The following TNR variants were observed in gnomAD, a reference collection of about 807,000 sequenced individuals.
TNR encodes the protein tenascin-R.
In TNR, 45 loss-of-function variants were observed where a neutral mutation model predicts 150.4. The observed-to-expected ratio is 0.30, with a 90% confidence interval of 0.24 to 0.38. The LOEUF is 0.38. Ranked by LOEUF, TNR falls within the 10% of genes least tolerant of loss-of-function variation. The probability of loss-of-function intolerance (pLI) is 1.00; values close to 1 mark genes in which losing one functional copy is unlikely to be tolerated. For missense variants in TNR, 1,544 were observed against 1,759.1 expected, an observed-to-expected ratio of 0.88 and a Z score of 2.19; for synonymous variants, 687 against 678.4, an observed-to-expected ratio of 1.01 and a Z score of -0.20.
At chr1:175,720,044 T>A (rs1389103815) in intron 1 of TNR, among the ~76,000 whole-genome samples, 2 of 152,238 alleles carry the variant, frequency 1.3e-5, no homozygotes, top group Non-Finnish European at 2.9e-5. Flanking sequence ...TCCAGCACTG[T>A]CTCACTCACT....
intron 2 of TNR, among the ~76,000 whole-genome samples, chr1:175,521,590 C>T (rs756489995): frequency 3.3e-5 from 5 of 152,222 alleles, no homozygotes; most frequent in Non-Finnish European, 7.3e-5. Context: ...GCTGCTCTAC[C>T]ATCAACATCC....
rs751283367 is a variant in TNR at position 175,335,820 on chromosome 1, T to TA, written c.3535-14dup. 6 of 1,597,634 alleles carry TA rather than the reference T, an allele frequency of 3.8e-6. No homozygotes were observed. The highest frequency in any genetic ancestry group is 5.1e-6 in the Non-Finnish European group (6 of 1,174,840). On this transcript the variant is annotated splice_polypyrimidine_tract_variant and intron_variant, in intron 19 of 22. Transcript: ENST00000367674. The stretch of plus-strand genomic sequence containing the variant: ...GCCTCTGGAATACCTATGAAGGAAA[T>TA]AAAAAAACAAAAAACAAACAAACAA...
chr1:175,612,010 T>A (rs7515728), intron 1 of TNR, among the ~76,000 whole-genome samples: 2 of 151,970 alleles, frequency 1.3e-5, no homozygotes, highest in Non-Finnish European at 2.9e-5. Context: ...TTAGATGACA[T>A]GTGGCTTAGA....
At chr1:175,492,339 C>T (rs911379108) in intron 2 of TNR, among the ~76,000 whole-genome samples, 15 of 152,204 alleles carry the variant, frequency 9.9e-5, no homozygotes, top group African/African-American at 3.6e-4. Flanking sequence ...TTGCATACAG[C>T]TGTGCACATC....
chr1:175,395,181 C>G (rs1653366162), intron 5 of TNR, among the ~76,000 whole-genome samples: 1 of 152,144 alleles, frequency 6.6e-6, no homozygotes, highest in East Asian at 1.9e-4. Context: ...AGCAAGGGGA[C>G]AAGATGACTT....
At chr1:175,724,346 A>C (rs1428416804) in intron 1 of TNR, among the ~76,000 whole-genome samples, 1 of 152,150 alleles carries the variant, frequency 6.6e-6, no homozygotes, top group Non-Finnish European at 1.5e-5. Flanking sequence ...AGAGGAAGAG[A>C]GCGAGAAGGG....
intron 1 of TNR, among the ~76,000 whole-genome samples, chr1:175,719,440 G>A (rs773454851): frequency 1.3e-5 from 2 of 152,190 alleles, no homozygotes; most frequent in Admixed American, 6.5e-5. Context: ...GTTTTGAGCC[G>A]AGGTTCCCAG....
chr1:175,727,666 T>G (rs1336621419), intron 1 of TNR, among the ~76,000 whole-genome samples: 1 of 152,148 alleles, frequency 6.6e-6, no homozygotes, highest in African/African-American at 2.4e-5. Flanking sequence ...GAACAGAGGC[T>G]TAGGAAGCCT....
intron 2 of TNR, among the ~76,000 whole-genome samples, chr1:175,431,651 T>TG (rs5778853): frequency 1.3e-5 from 2 of 151,384 alleles, no homozygotes; most frequent in Non-Finnish European, 2.9e-5. Flanking sequence ...TTTTTTTTTT[T>TG]GTAATGGGGC....
At chr1:175,454,933 T>G (rs903462028) in intron 2 of TNR, among the ~76,000 whole-genome samples, 2 of 152,210 alleles carry the variant, frequency 1.3e-5, no homozygotes, top group African/African-American at 4.8e-5. Flanking sequence ...CCCTTCCTCT[T>G]GAATCTGAGC....
intron 1 of TNR, among the ~76,000 whole-genome samples, chr1:175,575,541 A>G (rs1432885244): frequency 6.6e-6 from 1 of 152,200 alleles, no homozygotes; most frequent in East Asian, 1.9e-4. Context: ...TAGACACCCA[A>G]TAAATGTATT....
intron 2 of TNR, among the ~76,000 whole-genome samples, chr1:175,472,536 C>T (rs763279974): frequency 2.0e-5 from 3 of 152,156 alleles, no homozygotes; most frequent in Non-Finnish European, 4.4e-5. Flanking sequence ...ACTACAAACA[C>T]GTGAGTAATG....
chr1:175,540,007 T>A (rs2102188137), intron 1 of TNR, among the ~76,000 whole-genome samples: 1 of 152,044 alleles, frequency 6.6e-6, no homozygotes, highest in Admixed American at 6.5e-5. Flanking sequence ...ACAAGTTGAA[T>A]CTCCCTCACA....
chr1:175,488,846 G>T (rs1658123301), intron 2 of TNR, among the ~76,000 whole-genome samples: 1 of 152,222 alleles, frequency 6.6e-6, no homozygotes, highest in Non-Finnish European at 1.5e-5. Flanking sequence ...GGCAAGGGTT[G>T]TGGAATAGGT....
At chr1:175,517,517 T>C (rs1274107484) in intron 2 of TNR, among the ~76,000 whole-genome samples, 1 of 152,178 alleles carries the variant, frequency 6.6e-6, no homozygotes, top group Non-Finnish European at 1.5e-5. Context: ...GGACACAGGT[T>C]GGCATTTAGG....
rs143865559 is a variant in TNR, at chr1:175,695,926, A to T, written c.-165+47300T>A. 9.3e-3 allele frequency among the ~76,000 whole-genome samples: 1,416 copies of T among 152,266 alleles called. 25 individuals carry two copies. Among genetic ancestry groups the T allele is most frequent in the African/African-American group, 0.03 (1,230 of 41,546 alleles). ...CAGTGCCTATACAATATAGTCATTG[A>T]ATACATAATTGTTGGATGGATGGAA... On this transcript the variant is annotated intron_variant, in intron 1 of 22. Transcript: ENST00000367674.
intron 2 of TNR, among the ~76,000 whole-genome samples, chr1:175,446,973 T>C (rs998800722): frequency 1.3e-5 from 2 of 152,224 alleles, no homozygotes; most frequent in African/African-American, 4.8e-5. Flanking sequence ...CGTGTGTATG[T>C]GTAATCATGT....
At chr1:175,619,602 G>C (rs936928955) in intron 1 of TNR, among the ~76,000 whole-genome samples, 7 of 152,172 alleles carry the variant, frequency 4.6e-5, no homozygotes, top group Admixed American at 2.6e-4. Flanking sequence ...AGCCATGGAT[G>C]TACAGAATTA....
At chr1:175,337,461 G>A (rs1650303087) in intron 19 of TNR, 67 bp downstream of exon 19, 14 of 1,588,718 alleles carry the variant, frequency 8.8e-6, no homozygotes, top group Non-Finnish European at 1.2e-5. Flanking sequence ...GGCTTGGCAG[G>A]TGCTGAGCTA....
Sources: allele counts gnomAD v4.1 joint callset (sites outside exome capture counted in the v4.1 genomes callset), GRCh38; gene constraint gnomAD v4.1.1; transcripts MANE v1.5; gene names NCBI Gene and HGNC (gene_info 2026-07-23, HGNC 2026-07-21).